P2RX5: variants seen among roughly 807,000 people sequenced by gnomAD.
P2RX5 encodes P2X purinoceptor 5.
In P2RX5, 46 loss-of-function variants were observed where a neutral mutation model predicts 54.1. That is an observed-to-expected ratio of 0.85 (90% CI 0.67 to 1.09). The LOEUF (loss-of-function observed/expected upper bound fraction) is 1.09. Among genes scored for constraint, P2RX5 ranks in the 50% least tolerant of loss-of-function variants. P2RX5 has a pLI of 0.00. For missense variants in P2RX5, 566 were observed against 549.8 expected, an observed-to-expected ratio of 1.03 and a Z score of -0.29; for synonymous variants, 226 against 226.4, an observed-to-expected ratio of 1.00 and a Z score of 0.02.
chr17:3,696,086 C>A lies in P2RX5; in HGVS notation c.-81G>T, dbSNP rs1405516205. The A allele has an allele frequency of 6.9e-7, 1 of 1,455,404 alleles. No individual in the cohort carries two copies. The highest frequency in any genetic ancestry group is 1.5e-5 in the African/African-American group (1 of 68,898). The allele number at this position is 1,455,404 out of a possible 1,614,324, so 90.2% of individuals were successfully genotyped here. A position where few individuals can be genotyped will look rare whatever the true frequency, so the allele number is the denominator to read the frequency against. On this transcript the variant is annotated 5_prime_UTR_variant, in exon 1 of 12. Coordinates refer to ENST00000225328, the MANE Select transcript of P2RX5 (RefSeq NM_002561.4). ...CACTCGGTCCCTCGGTCCCTGCGCG[C>A]CCGGCGCCCGCCTCGGCCCGTCTGC... is the stretch of plus-strand genomic sequence containing the variant.
chr17:3,704,915 A>G, the P2RX5 span, among the ~76,000 whole-genome samples: 1 of 152,210 alleles, frequency 6.6e-6, no homozygotes, highest in African/African-American at 2.4e-5. Flanking sequence ...CTGAGGCAGG[A>G]GAATCGCTTG....
chr17:3,714,778 T>C, the P2RX5 span: 1 of 851,272 alleles, frequency 1.2e-6, no homozygotes, highest in South Asian at 1.4e-5. Flanking sequence ...AAGGAAAAAG[T>C]AATGCAAAGG....
the P2RX5 span, among the ~76,000 whole-genome samples, chr17:3,703,364 A>C: frequency 6.6e-6 from 1 of 152,132 alleles, no homozygotes; most frequent in East Asian, 1.9e-4. Flanking sequence ...AAACAAAACA[A>C]AAAACATTAA....
At chr17:3,695,141 C>T (rs533956388) in intron 1 of P2RX5, among the ~76,000 whole-genome samples, 1 of 152,338 alleles carries the variant, frequency 6.6e-6, no homozygotes, top group South Asian at 2.1e-4. Context: ...CATTGTCCAG[C>T]GCTGCTTCTC....
the P2RX5 span, among the ~76,000 whole-genome samples, chr17:3,722,815 A>C: frequency 4.6e-5 from 7 of 152,224 alleles, no homozygotes; most frequent in Non-Finnish European, 1.0e-4. Flanking sequence ...ATTTTTAATA[A>C]GCAGGGGAAT....
chr17:3,718,667 G>C, the P2RX5 span, among the ~76,000 whole-genome samples: 3 of 152,214 alleles, frequency 2.0e-5, no homozygotes, highest in Non-Finnish European at 4.4e-5. Context: ...GGGAATCCAT[G>C]CTATAGAAAT....
chr17:3,691,784 G>A lies in P2RX5; in HGVS notation c.148C>T (p.Leu50=), dbSNP rs1394158227. 1.2e-6 allele frequency: 2 copies of A among 1,614,166 alleles called. No homozygotes were observed. Among genetic ancestry groups the A allele is most frequent in the East Asian group, 4.5e-5 (2 of 44,886 alleles). The change falls in exon 2 of 12, where the codon CTG becomes TTG. Residue 50 remains leucine, a synonymous_variant. Transcript: ENST00000225328. ...ILAYLVVWVF[L]IKKGYQDVDT... is the part of the protein sequence containing the mutation. ...ACGTCTTGGTAACCCTTCTTTATCAGGAACACCCATCTGTGGGAAGGGGGC... is the reference window on the plus strand; with the variant it reads ...ACGTCTTGGTAACCCTTCTTTATCAAGAACACCCATCTGTGGGAAGGGGGC...
At chr17:3,692,735 G>A (rs953626693) in intron 1 of P2RX5, among the ~76,000 whole-genome samples, 4 of 152,014 alleles carry the variant, frequency 2.6e-5, no homozygotes, top group African/African-American at 4.8e-5. Flanking sequence ...CCAGCTACTC[G>A]GGAGGCTGAG....
the P2RX5 span, among the ~76,000 whole-genome samples, chr17:3,715,583 G>A: frequency 8.5e-5 from 13 of 152,168 alleles, no homozygotes; most frequent in Non-Finnish European, 1.8e-4. Flanking sequence ...GCAAGGTCAG[G>A]TGCTTATGCC....
At chr17:3,676,250 C>T (rs1432377624) in intron 11 of P2RX5, 1 of 985,322 alleles carries the variant, frequency 1.0e-6, no homozygotes, top group Non-Finnish European at 1.2e-6. Context: ...CCAAGCCCAA[C>T]ATCGAAACGT....
In P2RX5 at chr17:3,688,107, T is replaced by C. The variant is rs1370210162; in HGVS notation, c.888-2A>G. The C allele has an allele frequency of 4.5e-6, 7 of 1,572,390 alleles. No homozygotes were observed. Among genetic ancestry groups the C allele is most frequent in the East Asian group, 4.6e-5 (2 of 43,636 alleles). Reference sequence around the variant, plus strand: ...GCGTCTCGGTAATATCTGGCAAATCTGAGGGAGACAGGGCCCAGGGGAGGC... The same window carrying C: ...GCGTCTCGGTAATATCTGGCAAATCCGAGGGAGACAGGGCCCAGGGGAGGC... On this transcript the variant is annotated splice_acceptor_variant, in intron 8 of 11. Coordinates refer to ENST00000225328, the MANE Select transcript of P2RX5 (RefSeq NM_002561.4). LOFTEE classifies it high-confidence loss of function.
Position 3,690,497 on chromosome 17 carries a change from T to C in P2RX5, c.463A>G (p.Arg155Gly). 6.2e-7 allele frequency: 1 copy of C among 1,613,532 alleles called. No homozygotes were observed. Among genetic ancestry groups the C allele is most frequent in the South Asian group, 1.1e-5 (1 of 91,076 alleles). The stretch of plus-strand genomic sequence containing the variant: ...CAGGTGCCCCTGGCCAAGTTCTCTC[T>C]CCGCAGGCAGCGGCCGGTCTTCACT... ...NGVKTGRCLR[R>G]ENLARGTCEI... Residue 155 changes from arginine to glycine, a missense_variant, in exon 5 of 12, where the codon AGA becomes GGA. Arg to Gly is a moderately radical substitution (Grantham distance 125, BLOSUM62 -2). Transcript: ENST00000225328.
chr17:3,698,912 T>C (rs1429708338), upstream of P2RX5, among the ~76,000 whole-genome samples: 1 of 151,816 alleles, frequency 6.6e-6, no homozygotes, highest in East Asian at 1.9e-4. Flanking sequence ...ACAACCAGCA[T>C]TAAAAAAAAT....
At chr17:3,688,907 C>T (rs560990953) in intron 7 of P2RX5, 148 bp from the exon 8 acceptor site, 4 of 845,004 alleles carry the variant, frequency 4.7e-6, no homozygotes, top group Admixed American at 1.9e-5. Context: ...GAGGCTTAGT[C>T]CCCCCATGGA....
chr17:3,719,084 AAATT>A, the P2RX5 span, among the ~76,000 whole-genome samples: 1 of 146,914 alleles, frequency 6.8e-6, no homozygotes, highest in African/African-American at 2.7e-5. Context: ...AAAAATAAAT[AAATT>A]AGCCAGGCAT....
the P2RX5 span, chr17:3,714,725 C>T: frequency 5.1e-6 from 3 of 587,180 alleles, no homozygotes; most frequent in Non-Finnish European, 3.0e-6. Context: ...TGGTTAAAAA[C>T]TAATATTCTA....
At chr17:3,691,820 G>A in intron 1 of P2RX5, 26 bp from the exon 2 acceptor site, 1 of 1,613,718 alleles carries the variant, frequency 6.2e-7, no homozygotes, top group South Asian at 1.1e-5. Context: ...CGGTACGTGG[G>A]CATCAGCCAC....
In P2RX5 at chr17:3,681,907, G is replaced by A. The variant is rs373182156; in HGVS notation, c.1053C>T (p.Tyr351=). Residue 351 remains tyrosine (Y), a synonymous_variant, in exon 10 of 12, where the codon TAC becomes TAT. Coordinates refer to ENST00000225328, the MANE Select transcript of P2RX5 (RefSeq NM_002561.4). The part of the protein sequence containing the change: ...KKREFYRDKK[Y]EEVRGLEDSS... ...GAAGCGGAACTGACCTCACTTCCTC[G>A]TACTTCTTGTCACGGTAAAACTCTC... 3.7e-5 allele frequency: 59 copies of A among 1,612,322 alleles called. No individual in the cohort carries two copies. The highest frequency in any genetic ancestry group is 6.6e-5 in the South Asian group (6 of 91,052).
the P2RX5 span, among the ~76,000 whole-genome samples, chr17:3,710,186 G>C: frequency 6.6e-6 from 1 of 152,080 alleles, no homozygotes; most frequent in African/African-American, 2.4e-5. Flanking sequence ...CAGCACTTTG[G>C]GAAGCCGAGG....
Sources: allele counts gnomAD v4.1 joint callset (sites outside exome capture counted in the v4.1 genomes callset), GRCh38; gene constraint gnomAD v4.1.1; transcripts MANE v1.5; gene names NCBI Gene and HGNC (gene_info 2026-07-23, HGNC 2026-07-21).